Variants in CAND1 observed in about 807,000 individuals in gnomAD.
CAND1 encodes cullin-associated NEDD8-dissociated protein 1.
In CAND1, 7 loss-of-function variants were observed where a neutral mutation model predicts 108.5. That is an observed-to-expected ratio of 0.06 (90% CI 0.04 to 0.12). CAND1 has a LOEUF of 0.12. CAND1 is among the 10% of genes least tolerant of loss of function. The pLI, the probability that CAND1 is intolerant of heterozygous loss-of-function variation, is 1.00. For synonymous variants in CAND1, 534 were observed against 512.0 expected (o/e 1.04, Z -0.58); for missense variants, 941 against 1,448.7 (o/e 0.65, Z 5.69).
chr12:67,285,430 A>G (rs2044661430), intron 2 of CAND1, among the ~76,000 whole-genome samples: 1 of 152,164 alleles, frequency 6.6e-6, no homozygotes, highest in South Asian at 2.1e-4. Context: ...ACTAAAGTAT[A>G]TTAGGGTTGA....
At chr12:67,292,379 AC>A (rs752852774) in intron 2 of CAND1, among the ~76,000 whole-genome samples, 37 of 152,306 alleles carry the variant, frequency 2.4e-4, no homozygotes, top group Non-Finnish European at 4.6e-4. Flanking sequence ...GGGGTATGAT[AC>A]GGAAAGCAGC....
In CAND1 at chr12:67,292,659, G is replaced by A; in HGVS notation, c.250G>A (p.Val84Ile). 1 of 1,612,632 alleles carries A rather than the reference G, an allele frequency of 6.2e-7. No individual in the cohort carries two copies. Among genetic ancestry groups the A allele is most frequent in the East Asian group, 2.2e-5 (1 of 44,790 alleles). Residue 84 changes from valine to isoleucine, a missense_variant, in exon 3 of 15, where the codon GTA (valine) becomes ATA (isoleucine). Around this residue, in one of 9 missense-constraint regions of CAND1, gnomAD observed 44 missense variants for 129.1 expected, o/e 0.34. Transcript: ENST00000545606. ...AGTGAGTAAAGTGAAAGAATACCAA[G>A]TAGAGACAATTGTAGATACCCTCTG... ...PLVSKVKEYQVETIVDTLCTN... is the reference protein window; with the variant it reads ...PLVSKVKEYQIETIVDTLCTN...
intron 13 of CAND1, 47 bp from the exon 14 acceptor site, chr12:67,311,646 T>C (rs1398329024): frequency 9.0e-7 from 1 of 1,110,684 alleles, no homozygotes; most frequent in African/African-American, 2.3e-5. Flanking sequence ...ATTTTGTTTT[T>C]AGAAAATGAT....
chr12:67,289,118 A>T (rs1368637782), intron 2 of CAND1, among the ~76,000 whole-genome samples: 1 of 152,040 alleles, frequency 6.6e-6, no homozygotes, highest in Non-Finnish European at 1.5e-5. Context: ...TGTAGATAGC[A>T]GGTAGTTAAG....
chr12:67,299,792 CATA>C (rs1476476700), intron 7 of CAND1, among the ~76,000 whole-genome samples: 2 of 152,098 alleles, frequency 1.3e-5, no homozygotes, highest in Admixed American at 6.5e-5. Flanking sequence ...TTGGAAGAAT[CATA>C]ATAACAAATA....
chr12:67,305,608 T>C lies in CAND1; in HGVS notation c.1940T>C (p.Val647Ala), dbSNP rs748550759. The change falls in exon 10 of 15, where the codon GTT (valine) becomes GCT (alanine). Residue 647 changes from valine (V) to alanine (A), a missense_variant. Around this residue, in one of 9 missense-constraint regions of CAND1, gnomAD observed 697 missense variants for 942.0 expected, o/e 0.74. Transcript: ENST00000545606. This position sits in a 1 kb window ranked among gnomAD's most constrained non-coding sequence, Gnocchi z 4.4. Reference sequence around the variant, plus strand: ...CCTTTGAAGATAGATTTGAGGCCTGTTCTGGGAGAAGGGGTTCCTATCCTT... The same window carrying C: ...CCTTTGAAGATAGATTTGAGGCCTGCTCTGGGAGAAGGGGTTCCTATCCTT... ...GSPLKIDLRPVLGEGVPILAS... is the reference protein window; with the variant it reads ...GSPLKIDLRPALGEGVPILAS... 6.2e-7 allele frequency: 1 copy of C among 1,614,138 alleles called. No individual in the cohort carries two copies. Among genetic ancestry groups the C allele is most frequent in the Non-Finnish European group, 8.5e-7 (1 of 1,180,018 alleles).
rs1592624550 is a variant in CAND1 at position 67,307,573 on chromosome 12, A to G, written c.3025+81A>G. 3.6e-6 allele frequency: 3 copies of G among 831,224 alleles called. No homozygotes were observed. The East Asian group carries it at 8.0e-5, about 22-fold the overall frequency. The allele number at this position is 831,224 out of a possible 1,614,324, so 51.5% of individuals were successfully genotyped here. A position where few individuals can be genotyped will look rare whatever the true frequency, so the allele number is the denominator to read the frequency against. On this transcript the variant is annotated intron_variant, in intron 11 of 14. Transcript: ENST00000545606. ...ACTCTTGAACTTAGTAACTAGAAAT[A>G]TCGAGGAATTAAAATGCTTATAAAA...
intron 6 of CAND1, among the ~76,000 whole-genome samples, chr12:67,298,068 G>C (rs1438756503): frequency 6.6e-6 from 1 of 152,090 alleles, no homozygotes; most frequent in Non-Finnish European, 1.5e-5. Flanking sequence ...TTTATTTAAA[G>C]AATTTTGGAA....
rs137991820 is a variant in CAND1 at position 67,280,431 on chromosome 12, A to G, written c.69-1479A>G. The stretch of plus-strand genomic sequence containing the variant: ...GGACTATCTCCATAGCTGTTTATCA[A>G]TTCAGCTCCAATAGTTGTTTTTTTG... On this transcript the variant is annotated intron_variant, in intron 1 of 14. Coordinates refer to ENST00000545606, the MANE Select transcript of CAND1 (RefSeq NM_018448.5). Among the ~76,000 whole-genome samples the G allele has an allele frequency of 7.7e-4, 118 of 152,354 alleles. 1 individual carries two copies. The highest frequency in any genetic ancestry group is 3.1e-3 in the East Asian group (16 of 5,186).
chr12:67,306,064 T>C lies in CAND1; in HGVS notation c.2396T>C (p.Ile799Thr). 1.2e-6 allele frequency: 2 copies of C among 1,614,130 alleles called. No homozygotes were observed. Among genetic ancestry groups the C allele is most frequent in the South Asian group, 2.2e-5 (2 of 91,078 alleles). The change falls in exon 10 of 15, where the codon ATT becomes ACT. Residue 799 changes from isoleucine to threonine, a missense_variant. By Grantham distance (89) the Ile-to-Thr change is moderately conservative (BLOSUM62 -1). This residue lies in a region of CAND1 where 697 missense variants were observed against 942.0 expected (regional missense o/e 0.74). Transcript: ENST00000545606. ...ALTHKQSYYS[I>T]AKCVAALTRA... ...ACTCATAAGCAGTCTTATTATTCCA[T>C]TGCCAAATGTGTAGCTGCCCTTACT...
At position 67,291,302 on chromosome 12, in the gene CAND1, T is replaced by G. The variant is rs187721803; in HGVS notation, c.213-1320T>G. 6.3e-4 allele frequency among the ~76,000 whole-genome samples: 96 copies of G among 152,346 alleles called. No individual in the cohort carries two copies. The East Asian group carries it at 0.017, about 27-fold the overall frequency. On this transcript the variant is annotated intron_variant, in intron 2 of 14. Coordinates refer to ENST00000545606, the MANE Select transcript of CAND1 (RefSeq NM_018448.5). ...GACTTGTTTTCATCTTTACAACCAG[T>G]TACTTTATGCTTTTAACATTTAGAC...
chr12:67,272,601 T>C (rs1188013302), intron 1 of CAND1, among the ~76,000 whole-genome samples: 1 of 152,194 alleles, frequency 6.6e-6, no homozygotes, highest in Non-Finnish European at 1.5e-5. Context: ...AAATGAGATA[T>C]TAAGACTTAG....
intron 2 of CAND1, among the ~76,000 whole-genome samples, chr12:67,283,606 T>C (rs1253676467): frequency 6.6e-6 from 1 of 150,982 alleles, no homozygotes; most frequent in Non-Finnish European, 1.5e-5. Flanking sequence ...AAAGGTGTTA[T>C]AGAATGATAC....
intron 10 of CAND1, 135 bp downstream of exon 10, chr12:67,306,732 G>A (rs1402312934): frequency 4.7e-6 from 3 of 644,386 alleles, no homozygotes; most frequent in Admixed American, 3.1e-5. Flanking sequence ...AAGAAAAACT[G>A]TCTTTCGTAG....
chr12:67,302,463 T>A lies in CAND1; in HGVS notation c.1141T>A (p.Ser381Thr). Residue 381 changes from serine (S) to threonine (T), a missense_variant, in exon 8 of 15, where the codon TCC becomes ACC. Ser to Thr is a moderately conservative substitution (Grantham distance 58). This residue lies in a region of CAND1 where 697 missense variants were observed against 942.0 expected (regional missense o/e 0.74). Transcript: ENST00000545606. ...CAAGACCGTCTCTCCTGCACTAATA[T>A]CCAGATTTAAAGAGCGTGAAGAGAA... ...FYKTVSPALI[S>T]RFKEREENVK... 6.2e-7 allele frequency: 1 copy of A among 1,614,126 alleles called. No individual in the cohort carries two copies. The highest frequency in any genetic ancestry group is 8.5e-7 in the Non-Finnish European group (1 of 1,180,002).
chr12:67,283,900 T>C (rs1430374471), intron 2 of CAND1, among the ~76,000 whole-genome samples: 3 of 152,046 alleles, frequency 2.0e-5, no homozygotes, highest in Non-Finnish European at 4.4e-5. Flanking sequence ...AAATAACATA[T>C]ATTCAAGAAA....
At chr12:67,277,312 A>G (rs2044578752) in intron 1 of CAND1, among the ~76,000 whole-genome samples, 1 of 152,174 alleles carries the variant, frequency 6.6e-6, no homozygotes. Flanking sequence ...CATTATTTTA[A>G]TCAGTTGATG....
In CAND1 at chr12:67,316,191, A is replaced by G. The variant is rs2045005935; in HGVS notation, c.*3361A>G. On this transcript the variant is annotated 3_prime_UTR_variant, in exon 15 of 15. Coordinates refer to ENST00000545606, the MANE Select transcript of CAND1 (RefSeq NM_018448.5). ...CTTGTTTATGGAATGGAAAATTGAC[A>G]GTATGGTAATAGTTTATTGACTGAT... 2 of 152,228 alleles carry G rather than the reference A, an allele frequency of 1.3e-5. No homozygotes were observed. Among genetic ancestry groups the G allele is most frequent in the South Asian group, 2.1e-4 (1 of 4,828 alleles). The allele number at this position is 152,228 out of a possible 1,614,324, so 9.4% of individuals were successfully genotyped here. A position where few individuals can be genotyped will look rare whatever the true frequency, so the allele number is the denominator to read the frequency against.
chr12:67,311,776 A>G lies in CAND1; in HGVS notation c.3444A>G (p.Pro1148=). ...VLQRLDRLVE[P]LRATCTTKVK... Reference sequence around the variant, plus strand: ...AGAGGTTGGACCGACTTGTTGAGCCATTACGTGCAACATGTACAACTAAGG... The same window carrying G: ...AGAGGTTGGACCGACTTGTTGAGCCGTTACGTGCAACATGTACAACTAAGG... The change falls in exon 14 of 15, where the codon CCA becomes CCG. Residue 1148 remains proline (P), a synonymous_variant. Coordinates refer to ENST00000545606, the MANE Select transcript of CAND1 (RefSeq NM_018448.5). The G allele has an allele frequency of 6.2e-7, 1 of 1,607,142 alleles. No homozygotes were observed. The highest frequency in any genetic ancestry group is 8.5e-7 in the Non-Finnish European group (1 of 1,173,744).
Sources: allele counts gnomAD v4.1 joint callset (sites outside exome capture counted in the v4.1 genomes callset), GRCh38; gene constraint gnomAD v4.1.1; regional missense constraint gnomAD v4.1.1; non-coding constraint Gnocchi (gnomAD v3.1); transcripts MANE v1.5; gene names NCBI Gene and HGNC (gene_info 2026-07-23, HGNC 2026-07-21).